The following RANBP2 variants were observed in gnomAD, a reference collection of about 807,000 sequenced individuals.
RANBP2 encodes E3 SUMO-protein ligase RanBP2.
Under a neutral mutation model 303.6 loss-of-function variants are expected in RANBP2, and 57 were observed. The observed-to-expected ratio is 0.19, with a 90% CI of 0.15 to 0.23. RANBP2 has a LOEUF of 0.23. RANBP2 is among the 10% of genes least tolerant of loss of function. The pLI is 1.00. For missense variants in RANBP2, 3,138 were observed against 3,780.8 expected (o/e 0.83, Z 4.46); for synonymous variants, 1,167 against 1,301.5 (o/e 0.90, Z 2.23).
At chr2:109,692,835 T>TC in the RANBP2 span, among the ~76,000 whole-genome samples, 1 of 149,306 alleles carries the variant, frequency 6.7e-6, no homozygotes, top group Non-Finnish European at 1.5e-5. Context: ...TTTTTTTTTT[T>TC]GAGATGAAGT....
At chr2:109,521,167 A>G in the RANBP2 span, among the ~76,000 whole-genome samples, 89,327 of 150,506 alleles carry the variant, frequency 0.59, 26,648 homozygotes, top group Middle Eastern at 0.63. Flanking sequence ...GCAGTGAGCC[A>G]AGATTGTGCC....
chr2:109,121,514 CTTCT>C, the RANBP2 span, among the ~76,000 whole-genome samples: 1 of 152,122 alleles, frequency 6.6e-6, no homozygotes, highest in Non-Finnish European at 1.5e-5. Flanking sequence ...CCTCTGTCAC[CTTCT>C]TTGTCATAGG....
chr2:109,673,262 G>C, the RANBP2 span, among the ~76,000 whole-genome samples: 1 of 152,302 alleles, frequency 6.6e-6, no homozygotes, highest in Non-Finnish European at 1.5e-5. Flanking sequence ...AATGGGGACA[G>C]TACTAAGTGT....
chr2:108,731,524 A>G (rs769457164), intron 4 of RANBP2, 50 bp downstream of exon 4: 6 of 1,608,686 alleles, frequency 3.7e-6, no homozygotes, highest in Non-Finnish European at 5.1e-6. Flanking sequence ...AACCATTTCT[A>G]ATATTTGGAA....
chr2:109,300,461 T>C, the RANBP2 span, among the ~76,000 whole-genome samples: 23 of 152,316 alleles, frequency 1.5e-4, no homozygotes, highest in East Asian at 4.4e-3. Flanking sequence ...ATTATAGGTG[T>C]GAGCCACTGC....
chr2:109,100,448 C>G, the RANBP2 span, among the ~76,000 whole-genome samples: 1 of 152,162 alleles, frequency 6.6e-6, no homozygotes, highest in Non-Finnish European at 1.5e-5. Flanking sequence ...CCATCTCAGT[C>G]CGTGGAAAAA....
At chr2:109,369,906 T>C in the RANBP2 span, among the ~76,000 whole-genome samples, 1 of 152,212 alleles carries the variant, frequency 6.6e-6, no homozygotes, top group African/African-American at 2.4e-5. Flanking sequence ...CTGCTTTGTG[T>C]TACAGCATCA....
At chr2:109,702,434 A>G in the RANBP2 span, among the ~76,000 whole-genome samples, 1 of 152,164 alleles carries the variant, frequency 6.6e-6, no homozygotes, top group Non-Finnish European at 1.5e-5. Context: ...TGTCCAACCT[A>G]TGTTCCATGG....
chr2:108,738,524 T>C (rs1173350463), intron 6 of RANBP2, among the ~76,000 whole-genome samples: 13 of 152,092 alleles, frequency 8.5e-5, no homozygotes, highest in South Asian at 4.2e-4. Flanking sequence ...TGCACCCGGC[T>C]GTATGTGGGT....
intron 1 of RANBP2, among the ~76,000 whole-genome samples, chr2:108,726,029 A>T (rs1694673443): frequency 6.6e-6 from 1 of 152,160 alleles, no homozygotes; most frequent in Non-Finnish European, 1.5e-5. Context: ...CTGGTACAGT[A>T]GTCCCTTCTT....
the RANBP2 span, among the ~76,000 whole-genome samples, chr2:109,633,253 C>G: frequency 6.6e-6 from 1 of 151,844 alleles, no homozygotes; most frequent in Non-Finnish European, 1.5e-5. Flanking sequence ...ATTAGCCGGA[C>G]GTGGTGGTGC....
At chr2:109,548,891 T>C in the RANBP2 span, among the ~76,000 whole-genome samples, 2 of 152,004 alleles carry the variant, frequency 1.3e-5, no homozygotes, top group Non-Finnish European at 2.9e-5. Context: ...AAAACTGTTA[T>C]GTTCCAAATA....
the RANBP2 span, among the ~76,000 whole-genome samples, chr2:108,817,760 G>T: frequency 6.6e-6 from 1 of 152,164 alleles, no homozygotes; most frequent in Non-Finnish European, 1.5e-5. Flanking sequence ...TATATACATT[G>T]ATTTTGGCTG....
At chr2:109,560,887 A>T in the RANBP2 span, among the ~76,000 whole-genome samples, 1 of 152,080 alleles carries the variant, frequency 6.6e-6, no homozygotes, top group Non-Finnish European at 1.5e-5. Flanking sequence ...TTTACCTTCT[A>T]GTCATCTCTC....
chr2:109,706,616 G>T, the RANBP2 span, among the ~76,000 whole-genome samples: 1 of 152,190 alleles, frequency 6.6e-6, no homozygotes, highest in Admixed American at 6.5e-5. Flanking sequence ...TTTATTATGG[G>T]CATTGTCTGT....
At chr2:108,993,209 C>T in the RANBP2 span, among the ~76,000 whole-genome samples, 3 of 152,110 alleles carry the variant, frequency 2.0e-5, no homozygotes, top group African/African-American at 7.2e-5. Flanking sequence ...AGGAAGAAGG[C>T]AGTCCTGCAG....
At chr2:109,469,651 T>C in the RANBP2 span, among the ~76,000 whole-genome samples, 1 of 152,194 alleles carries the variant, frequency 6.6e-6, no homozygotes, top group Admixed American at 6.6e-5. Flanking sequence ...TCTTGTGTAC[T>C]TCTGATTAAG....
chr2:109,067,153 G>A, the RANBP2 span, among the ~76,000 whole-genome samples: 3 of 152,098 alleles, frequency 2.0e-5, no homozygotes, highest in East Asian at 3.9e-4. Flanking sequence ...AGCCTGGGTC[G>A]GCTTGTTCAG....
At chr2:109,488,459 C>A in the RANBP2 span, among the ~76,000 whole-genome samples, 2 of 152,220 alleles carry the variant, frequency 1.3e-5, no homozygotes, top group Non-Finnish European at 2.9e-5. Context: ...TCCTGGCCTG[C>A]GGAGGGGCTG....
Sources: gnomAD v4.1 joint callset for allele counts (sites outside exome capture counted in the v4.1 genomes callset) on GRCh38, gnomAD v4.1.1 for gene constraint, MANE v1.5 for transcripts, NCBI Gene and HGNC (gene_info 2026-07-23, HGNC 2026-07-21) for gene names.